The following SIPA1L1 variants were observed in gnomAD, a reference collection of about 807,000 sequenced individuals.
The protein encoded by SIPA1L1 is signal induced proliferation associated 1 like 1.
In SIPA1L1, 26 loss-of-function variants were observed where a neutral mutation model predicts 162.7. The ratio of observed to expected loss-of-function variants is 0.16; its 90% CI spans 0.12 to 0.22. The LOEUF is 0.22. Ranked by LOEUF, SIPA1L1 falls within the 10% of genes least tolerant of loss-of-function variation. The pLI, the probability that SIPA1L1 is intolerant of heterozygous loss-of-function variation, is 1.00. For synonymous variants in SIPA1L1, 829 were observed against 837.4 expected (o/e 0.99, Z 0.17); for missense variants, 1,874 against 2,241.0 (o/e 0.84, Z 3.31).
rs1305619751 is a variant in SIPA1L1 at position 71,624,032 on chromosome 14, C to G, written c.1630-16C>G. 6.3e-7 allele frequency: 1 copy of G among 1,582,288 alleles called. No homozygotes were observed. The highest frequency in any genetic ancestry group is 8.6e-7 in the Non-Finnish European group (1 of 1,162,368). ...ACATCCCAGAAGCCTCACCACAGCA[C>G]CTGTCTCTCTTGCAGCTCATGACAC... is the stretch of plus-strand genomic sequence containing the variant. On this transcript the variant is annotated splice_polypyrimidine_tract_variant and intron_variant, in intron 6 of 23. Transcript: ENST00000381232.
At chr14:71,544,201 G>T (rs937837472) in intron 4 of SIPA1L1, among the ~76,000 whole-genome samples, 4 of 144,882 alleles carry the variant, frequency 2.8e-5, no homozygotes, top group Non-Finnish European at 4.6e-5. Flanking sequence ...ACATATGCAT[G>T]TATGCACATG....
At chr14:71,640,325 A>G (rs1324507110) in intron 7 of SIPA1L1, among the ~76,000 whole-genome samples, 1 of 152,238 alleles carries the variant, frequency 6.6e-6, no homozygotes, top group African/African-American at 2.4e-5. Context: ...CAGCTTGGTT[A>G]AGAATTCTTA....
intron 2 of SIPA1L1, among the ~76,000 whole-genome samples, chr14:71,488,832 GCT>G (rs1285204580): frequency 6.6e-6 from 1 of 152,126 alleles, no homozygotes; most frequent in Non-Finnish European, 1.5e-5. Flanking sequence ...CTGAAAATAT[GCT>G]CTGTTTTTCA....
At chr14:71,527,889 CT>C (rs1555448867) in intron 3 of SIPA1L1, among the ~76,000 whole-genome samples, 1 of 151,784 alleles carries the variant, frequency 6.6e-6, no homozygotes, top group Admixed American at 6.6e-5. Context: ...CTTATCTTTC[CT>C]TTTTTTTGTT....
chr14:71,329,875 T>C (rs1201637171), intron 2 of SIPA1L1, among the ~76,000 whole-genome samples: 1 of 152,214 alleles, frequency 6.6e-6, no homozygotes, highest in African/African-American at 2.4e-5. Flanking sequence ...GTGTTTTACT[T>C]TTTTGGGGAG....
At chr14:71,708,322 CTTTT>C (rs1174900047) in intron 16 of SIPA1L1, among the ~76,000 whole-genome samples, 1 of 137,504 alleles carries the variant, frequency 7.3e-6, no homozygotes, top group Non-Finnish European at 1.6e-5. Flanking sequence ...TTCTTTCTTT[CTTTT>C]TTTTTTTTTT....
At chr14:71,521,426 C>T (rs1406390144) in intron 3 of SIPA1L1, among the ~76,000 whole-genome samples, 3 of 152,082 alleles carry the variant, frequency 2.0e-5, no homozygotes, top group Non-Finnish European at 4.4e-5. Flanking sequence ...GCTCCATGTC[C>T]CTGTGTCTTC....
chr14:71,555,848 C>T (rs1036759844), intron 4 of SIPA1L1, among the ~76,000 whole-genome samples: 2 of 152,112 alleles, frequency 1.3e-5, no homozygotes, highest in African/African-American at 4.8e-5. Context: ...ACTCAAACGA[C>T]ATTTGTTGAT....
chr14:71,683,391 G>A (rs924082637), intron 12 of SIPA1L1, among the ~76,000 whole-genome samples: 1 of 152,188 alleles, frequency 6.6e-6, no homozygotes, highest in South Asian at 2.1e-4. Flanking sequence ...CATTGCTGAG[G>A]AGAAGCAAAG....
chr14:71,459,701 C>T (rs1416372469), intron 2 of SIPA1L1, among the ~76,000 whole-genome samples: 5 of 152,110 alleles, frequency 3.3e-5, no homozygotes, highest in African/African-American at 4.8e-5. Context: ...CACTGACAGC[C>T]GATTAGATTG....
At chr14:71,557,745 TAA>T (rs1007577820) in intron 4 of SIPA1L1, among the ~76,000 whole-genome samples, 1 of 152,222 alleles carries the variant, frequency 6.6e-6, no homozygotes, top group South Asian at 2.1e-4. Flanking sequence ...GTAACTGATA[TAA>T]AAAAACCTAC....
chr14:71,468,251 C>A (rs755579359), intron 2 of SIPA1L1, among the ~76,000 whole-genome samples: 1 of 152,020 alleles, frequency 6.6e-6, no homozygotes, highest in Admixed American at 6.6e-5. Context: ...AAATAAGTAC[C>A]CAAATGGAGA....
intron 2 of SIPA1L1, among the ~76,000 whole-genome samples, chr14:71,386,875 ACTG>A: frequency 6.6e-6 from 1 of 152,328 alleles, no homozygotes; most frequent in African/African-American, 2.4e-5. Flanking sequence ...TCTTCTCGTT[ACTG>A]TGAATTTTCT....
chr14:71,645,174 C>G (rs1955663742), intron 7 of SIPA1L1, among the ~76,000 whole-genome samples: 1 of 152,192 alleles, frequency 6.6e-6, no homozygotes, highest in Admixed American at 6.5e-5. Context: ...CCTCCATTGT[C>G]TTTTCTCTTT....
intron 3 of SIPA1L1, among the ~76,000 whole-genome samples, chr14:71,524,373 C>T (rs527878659): frequency 4.5e-4 from 68 of 152,238 alleles, no homozygotes; most frequent in African/African-American, 1.4e-3. Flanking sequence ...GTTTATGTTT[C>T]GCTTTAGGTT....
At chr14:71,494,655 T>C (rs2049582237) in intron 2 of SIPA1L1, among the ~76,000 whole-genome samples, 1 of 151,970 alleles carries the variant, frequency 6.6e-6, no homozygotes, top group Admixed American at 6.6e-5. Flanking sequence ...GCCTCAATAG[T>C]AGCTGGGACT....
chr14:71,449,227 T>C (rs2045635441), intron 2 of SIPA1L1, among the ~76,000 whole-genome samples: 1 of 152,212 alleles, frequency 6.6e-6, no homozygotes, highest in African/African-American at 2.4e-5. Flanking sequence ...TGTTGTAAAT[T>C]ACCTAATTAG....
intron 3 of SIPA1L1, among the ~76,000 whole-genome samples, chr14:71,523,389 T>TA (rs994367534): frequency 3.2e-4 from 48 of 147,748 alleles, no homozygotes; most frequent in African/African-American, 8.4e-4. Context: ...TCTCAGAGTT[T>TA]AAAAAAAAAA....
intron 4 of SIPA1L1, among the ~76,000 whole-genome samples, chr14:71,578,277 A>G (rs1164487875): frequency 6.6e-6 from 1 of 151,942 alleles, no homozygotes; most frequent in East Asian, 1.9e-4. Flanking sequence ...GTTTGAGTCC[A>G]TGCTGGTCTC....
Sources: gnomAD v4.1 joint callset for allele counts (sites outside exome capture counted in the v4.1 genomes callset) on GRCh38, gnomAD v4.1.1 for gene constraint, MANE v1.5 for transcripts, NCBI Gene and HGNC (gene_info 2026-07-23, HGNC 2026-07-21) for gene names.